Variants in NRXN3 observed in about 807,000 individuals in gnomAD.
NRXN3 encodes neurexin 3, also known as neurexin III.
A neutral mutation model predicts 137.6 loss-of-function variants in NRXN3; 32 were observed. The observed-to-expected ratio is 0.23, with a 90% CI of 0.18 to 0.31. The LOEUF (loss-of-function observed/expected upper bound fraction) is 0.31. Ranked by LOEUF, NRXN3 falls within the 10% of genes least tolerant of loss-of-function variation. NRXN3 has a pLI of 1.00. For missense variants in NRXN3, 1,574 were observed against 2,062.5 expected (o/e 0.76, Z 4.59); for synonymous variants, 798 against 784.5 (o/e 1.02, Z -0.29).
intron 15 of NRXN3, among the ~76,000 whole-genome samples, chr14:79,371,332 A>T (rs1599316036): frequency 6.6e-6 from 1 of 152,152 alleles, no homozygotes. Context: ...ATATGATTCA[A>T]CCTTCTGCCT....
chr14:78,721,110 T>C (rs1211003983), intron 8 of NRXN3, among the ~76,000 whole-genome samples: 1 of 152,174 alleles, frequency 6.6e-6, no homozygotes, highest in African/African-American at 2.4e-5. Flanking sequence ...AAGATAACAA[T>C]TAGAAAGCAA....
Position 79,190,216 on chromosome 14 carries a change from A to T in NRXN3, c.3262+202075A>T, listed in dbSNP as rs193177522. Among the ~76,000 whole-genome samples the T allele has an allele frequency of 5.7e-3, 866 of 150,876 alleles. 33 individuals carry two copies. The East Asian group carries it at 0.084, about 15-fold the overall frequency. ...GAAAAGGTCCATAATCCTTACGGAAATTTTTTTTTTAATCATCATCAGGCT... is the reference window on the plus strand; with the variant it reads ...GAAAAGGTCCATAATCCTTACGGAATTTTTTTTTTTAATCATCATCAGGCT... On this transcript the variant is annotated intron_variant, in intron 15 of 20. Coordinates refer to ENST00000335750, the MANE Select transcript of NRXN3 (RefSeq NM_001330195.2).
At chr14:79,280,538 G>T in intron 15 of NRXN3, 1 of 1,610,036 alleles carries the variant, frequency 6.2e-7, no homozygotes. Flanking sequence ...AGGAGGACAC[G>T]GTAGGTCTCT....
chr14:79,070,109 C>A (rs915882098), intron 15 of NRXN3, among the ~76,000 whole-genome samples: 2 of 151,968 alleles, frequency 1.3e-5, no homozygotes, highest in Admixed American at 6.6e-5. Context: ...ATGTTATGAC[C>A]CTCTAATTGG....
chr14:79,840,788 G>T (rs1042627348), intron 20 of NRXN3, among the ~76,000 whole-genome samples: 1 of 152,116 alleles, frequency 6.6e-6, no homozygotes, highest in African/African-American at 2.4e-5. Flanking sequence ...ACATCTTCTG[G>T]AGGTAGGCTT....
chr14:78,389,752 A>G (rs2090507497), intron 4 of NRXN3, among the ~76,000 whole-genome samples: 1 of 152,026 alleles, frequency 6.6e-6, no homozygotes, highest in South Asian at 2.1e-4. Flanking sequence ...TTTTTTCTCT[A>G]GTTAAAACTA....
At chr14:78,636,519 G>A (rs1451641800) in intron 4 of NRXN3, among the ~76,000 whole-genome samples, 1 of 152,048 alleles carries the variant, frequency 6.6e-6, no homozygotes, top group Non-Finnish European at 1.5e-5. Context: ...AAGGAGACAT[G>A]GTCAAAGTGT....
intron 4 of NRXN3, among the ~76,000 whole-genome samples, chr14:78,547,416 T>G (rs993458255): frequency 7.2e-5 from 11 of 152,094 alleles, no homozygotes; most frequent in African/African-American, 1.2e-4. Context: ...GCCAGGATGG[T>G]CTCTATCTCC....
intron 16 of NRXN3, among the ~76,000 whole-genome samples, chr14:79,573,776 A>G (rs1249176258): frequency 6.6e-6 from 1 of 152,150 alleles, no homozygotes. Flanking sequence ...GTAGTTGCTT[A>G]TCTAATTTTG....
At chr14:78,487,405 G>A (rs529322385) in intron 4 of NRXN3, among the ~76,000 whole-genome samples, 6 of 152,218 alleles carry the variant, frequency 3.9e-5, no homozygotes, top group African/African-American at 1.4e-4. Context: ...AAAATGCCAA[G>A]GAAATGTTTG....
chr14:79,116,033 G>GT, intron 15 of NRXN3, among the ~76,000 whole-genome samples: 1 of 152,116 alleles, frequency 6.6e-6, no homozygotes, highest in Non-Finnish European at 1.5e-5. Flanking sequence ...ATCACAACTG[G>GT]TATAATTAGG....
intron 10 of NRXN3, among the ~76,000 whole-genome samples, chr14:78,812,483 T>C (rs1397466534): frequency 6.6e-6 from 1 of 152,202 alleles, no homozygotes; most frequent in Non-Finnish European, 1.5e-5. Flanking sequence ...CTGAGGCAGT[T>C]ATTTAATCAG....
At chr14:79,399,990 G>A (rs1328101126) in intron 15 of NRXN3, among the ~76,000 whole-genome samples, 1 of 152,192 alleles carries the variant, frequency 6.6e-6, no homozygotes, top group Non-Finnish European at 1.5e-5. Context: ...CTGTGCATAT[G>A]TGTGTGTGAG....
At chr14:78,357,371 C>T (rs1597720316) in intron 4 of NRXN3, among the ~76,000 whole-genome samples, 1 of 152,152 alleles carries the variant, frequency 6.6e-6, no homozygotes. Context: ...AATCAGTCAC[C>T]TCCCACCAGG....
At chr14:79,404,090 A>G (rs1217964426) in intron 15 of NRXN3, among the ~76,000 whole-genome samples, 1 of 152,148 alleles carries the variant, frequency 6.6e-6, no homozygotes, top group Non-Finnish European at 1.5e-5. Flanking sequence ...CAACAGCAGC[A>G]AACACTGACA....
At chr14:79,136,343 G>A (rs1458486873) in intron 15 of NRXN3, among the ~76,000 whole-genome samples, 1 of 152,212 alleles carries the variant, frequency 6.6e-6, no homozygotes, top group Non-Finnish European at 1.5e-5. Flanking sequence ...GTCAGCCTAT[G>A]CTCAAAGTGT....
intron 4 of NRXN3, among the ~76,000 whole-genome samples, chr14:78,524,772 T>A (rs949623863): frequency 7.2e-5 from 11 of 152,294 alleles, no homozygotes; most frequent in Non-Finnish European, 1.3e-4. Flanking sequence ...AGCTCCCTTT[T>A]CAAAATACTT....
rs76563396 is a variant in NRXN3 at position 79,091,917 on chromosome 14, G to A, written c.3262+103776G>A. 2.8e-3 allele frequency among the ~76,000 whole-genome samples: 421 copies of A among 152,084 alleles called. 2 individuals are homozygous for A. The highest frequency in any genetic ancestry group is 9.4e-3 in the African/African-American group (389 of 41,504). On this transcript the variant is annotated intron_variant, in intron 15 of 20. Coordinates refer to ENST00000335750, the MANE Select transcript of NRXN3 (RefSeq NM_001330195.2). The stretch of plus-strand genomic sequence containing the variant: ...TTGTTATGTTTATATTTTTGTTGAG[G>A]TTCTTTGTTCACTTGCAACTAAACC...
At chr14:78,506,712 G>A (rs1304265758) in intron 4 of NRXN3, among the ~76,000 whole-genome samples, 2 of 145,428 alleles carry the variant, frequency 1.4e-5, no homozygotes, top group African/African-American at 5.1e-5. Flanking sequence ...AGGCTGGAGG[G>A]CAATGGCTAT....
Sources: allele counts gnomAD v4.1 joint callset (sites outside exome capture counted in the v4.1 genomes callset), GRCh38; gene constraint gnomAD v4.1.1; transcripts MANE v1.5; gene names NCBI Gene and HGNC (gene_info 2026-07-23, HGNC 2026-07-21).